PHLDB1: variants seen among roughly 807,000 people sequenced by gnomAD.
The protein encoded by PHLDB1 is pleckstrin homology like domain family B member 1.
In PHLDB1, 65 loss-of-function variants were observed where a neutral mutation model predicts 139.3. The observed-to-expected ratio is 0.47, with a 90% confidence interval of 0.38 to 0.57. The LOEUF is 0.57. PHLDB1 is among the 20% of genes least tolerant of loss of function. The pLI, the probability that PHLDB1 is intolerant of heterozygous loss-of-function variation, is 0.00. For missense variants in PHLDB1, 1,624 were observed against 1,839.7 expected, an observed-to-expected ratio of 0.88 and a Z score of 2.14; for synonymous variants, 679 against 734.5, an observed-to-expected ratio of 0.92 and a Z score of 1.22.
In PHLDB1 at chr11:118,635,528, C is replaced by G. The variant is rs781855779; in HGVS notation, c.2515C>G (p.Arg839Gly). ...GLLRSKAELL[R>G]SIAKRKERLA... ...GCTCCGGAGCAAGGCTGAGCTGCTC[C>G]GCAGCATCGCCAAGAGGAAGGTGTG... The change falls in exon 10 of 23, where the codon CGC becomes GGC. Residue 839 changes from arginine to glycine, a missense_variant. Transcript: ENST00000600882. The G allele has an allele frequency of 6.4e-7, 1 of 1,565,754 alleles. No individual in the cohort carries two copies. Among genetic ancestry groups the G allele is most frequent in the Admixed American group, 1.9e-5 (1 of 51,312 alleles).
intron 9 of PHLDB1, chr11:118,634,461 G>A (rs1303809390): frequency 6.6e-6 from 1 of 152,602 alleles, no homozygotes; most frequent in Non-Finnish European, 1.5e-5. Context: ...AGTAGAAGGG[G>A]AGGGATGAGA....
At chr11:118,641,079 A>T (rs1033401953) in intron 12 of PHLDB1, 2 of 152,554 alleles carry the variant, frequency 1.3e-5, no homozygotes, top group Non-Finnish European at 2.9e-5. Flanking sequence ...AACCCTGTTA[A>T]CCCCTTCTTT....
rs782264483 is a variant in PHLDB1, at chr11:118,628,102, C to T, written c.1279C>T (p.Arg427Ter). 1 of 1,613,942 alleles carries T rather than the reference C, an allele frequency of 6.2e-7. No individual in the cohort carries two copies. Among genetic ancestry groups the T allele is most frequent in the Non-Finnish European group, 8.5e-7 (1 of 1,179,990 alleles). The change falls in exon 6 of 23, where the codon CGA (arginine) becomes TGA (stop). Residue 427 changes from arginine (R) to a stop codon, truncating the protein, a stop_gained. Coordinates refer to ENST00000600882, the MANE Select transcript of PHLDB1 (RefSeq NM_001144758.3). LOFTEE classifies it high-confidence loss of function. ...CAGCCCCTCACGCCAACTGGTGGGC[C>T]GAACATTTTCAGATGGGTTAGCCAC... Reference protein sequence around the residue: ...TTSPSRQLVGRTFSDGLATRT... With the variant: ...TTSPSRQLVG
Position 118,638,930 on chromosome 11 carries a change from CG to C in PHLDB1, c.2578del (p.Ala860LeufsTer28). 6.2e-7 allele frequency: 1 copy of C among 1,613,420 alleles called. No individual in the cohort carries two copies. Among genetic ancestry groups the C allele is most frequent in the Non-Finnish European group, 8.5e-7 (1 of 1,179,704 alleles). ...AILDSQAGQI[R>X]AQAVQESERL... Reference sequence around the variant, plus strand: ...CCTGGACAGTCAGGCTGGGCAGATCCGGGCTCAGGCCGTGCAGGAATCAGAA... The same window carrying C: ...CCTGGACAGTCAGGCTGGGCAGATCCGGCTCAGGCCGTGCAGGAATCAGAA... On this transcript the variant is annotated frameshift_variant, in exon 11 of 23. Transcript: ENST00000600882. LOFTEE classifies it high-confidence loss of function.
At chr11:118,626,203 G>A (rs782619261) in intron 5 of PHLDB1, among the ~76,000 whole-genome samples, 11 of 151,412 alleles carry the variant, frequency 7.3e-5, no homozygotes, top group Non-Finnish European at 1.3e-4. Flanking sequence ...AAGTGGTGCA[G>A]CACACACCCC....
chr11:118,628,002 C>T lies in PHLDB1; in HGVS notation c.1179C>T (p.Asn393=). 1 of 1,613,950 alleles carries T rather than the reference C, an allele frequency of 6.2e-7. No individual in the cohort carries two copies. The highest frequency in any genetic ancestry group is 1.3e-5 in the African/African-American group (1 of 75,036). ...AGCCTCCAGTCCCTGCTCCCCGAAA[C>T]AAGATTGGCACACTCCAGGACCGCC... The part of the protein sequence containing the change: ...KFQPPVPAPR[N]KIGTLQDRPP... Residue 393 remains asparagine (N), a synonymous_variant, in exon 6 of 23, where the codon AAC becomes AAT. Transcript: ENST00000600882.
chr11:118,619,744 G>A (rs781957326), intron 4 of PHLDB1, among the ~76,000 whole-genome samples: 7 of 152,182 alleles, frequency 4.6e-5, no homozygotes, highest in South Asian at 2.1e-4. Flanking sequence ...AATAAGATAC[G>A]TGTGCACATG....
At chr11:118,613,715 G>A (rs1555085906) in intron 1 of PHLDB1, 101 bp from the exon 2 acceptor site, 5 of 687,900 alleles carry the variant, frequency 7.3e-6, no homozygotes, top group African/African-American at 1.8e-5. Context: ...GAATGATGGT[G>A]ACTGGTGACA....
chr11:118,616,042 G>T lies in PHLDB1; in HGVS notation c.186G>T (p.Gly62=). The T allele has an allele frequency of 6.2e-7, 1 of 1,612,412 alleles. No homozygotes were observed. The highest frequency in any genetic ancestry group is 8.5e-7 in the Non-Finnish European group (1 of 1,178,980). Residue 62 remains glycine (G), a splice_region_variant and synonymous_variant, in exon 4 of 23, where the codon GGG becomes GGT. Transcript: ENST00000600882. ...TAITLLPLEE[G]RTVIGSAARD... ...ATTCAGTTTGCCTCTTGTCTCCAGG[G>T]AGGACGGTGATTGGCTCTGCAGCCA...
chr11:118,632,415 C>T lies in PHLDB1; in HGVS notation c.2379+119C>T, dbSNP rs1944953108. 1 of 1,044,410 alleles carries T rather than the reference C, an allele frequency of 9.6e-7. No homozygotes were observed. The highest frequency in any genetic ancestry group is 1.5e-5 in the South Asian group (1 of 64,752). The allele number at this position is 1,044,410 out of a possible 1,614,324, so 64.7% of individuals were successfully genotyped here. On this transcript the variant is annotated intron_variant, in intron 9 of 22. Coordinates refer to ENST00000600882, the MANE Select transcript of PHLDB1 (RefSeq NM_001144758.3). This position sits in a 1 kb window ranked among gnomAD's most constrained non-coding sequence, Gnocchi z 5.9. ...TCATCCATTCTGCAGTACAAGTGGT[C>T]TCTGTGGCTTTCCAGAGACAGAGTG...
chr11:118,640,014 G>A, intron 12 of PHLDB1: 1 of 985,444 alleles, frequency 1.0e-6, no homozygotes, highest in Non-Finnish European at 1.2e-6. Flanking sequence ...GGTAATCACA[G>A]CTAACTGCGT....
chr11:118,628,390 C>G lies in PHLDB1; in HGVS notation c.1567C>G (p.Leu523Val), dbSNP rs1555106224. The G allele has an allele frequency of 6.2e-7, 1 of 1,610,758 alleles. No homozygotes were observed. Among genetic ancestry groups the G allele is most frequent in the East Asian group, 2.2e-5 (1 of 44,748 alleles). Residue 523 changes from leucine to valine, a missense_variant, in exon 6 of 23, where the codon CTG (leucine) becomes GTG (valine). Coordinates refer to ENST00000600882, the MANE Select transcript of PHLDB1 (RefSeq NM_001144758.3). ...GRRTRSPSPT[L>V]GESLAPHKGS... ...TAGGACACGGAGCCCCTCACCCACA[C>G]TGGGTGAGTCTCTGGCACCCCACAA...
intron 12 of PHLDB1, chr11:118,639,507 G>A: frequency 4.2e-6 from 2 of 479,672 alleles, no homozygotes; most frequent in South Asian, 2.2e-5. Context: ...TATGTGGGGG[G>A]ACTCAGGGGC....
At position 118,632,367 on chromosome 11, in the gene PHLDB1, G is replaced by A; in HGVS notation, c.2379+71G>A. 1.3e-6 allele frequency: 2 copies of A among 1,483,244 alleles called. No individual in the cohort carries two copies. The highest frequency in any genetic ancestry group is 1.9e-6 in the Non-Finnish European group (2 of 1,067,738). 91.9% of individuals were successfully genotyped at this position (1,483,244 alleles called of 1,614,324 possible). A position where few individuals can be genotyped will look rare whatever the true frequency, so the allele number is the denominator to read the frequency against. ...GGAGAGAAGGAGAAATGTCTTCTCT[G>A]GGGCCCTGTACCCTTCACCTCATCA... On this transcript the variant is annotated intron_variant, in intron 9 of 22. Transcript: ENST00000600882. The surrounding 1 kb of genome is among the most constrained non-coding windows in gnomAD (Gnocchi z 5.9).
In PHLDB1 at chr11:118,610,323, A is replaced by T; in HGVS notation, c.-22+2624A>T. The T allele has an allele frequency of 3.4e-6, 1 of 296,028 alleles. No homozygotes were observed. Among genetic ancestry groups the T allele is most frequent in the Non-Finnish European group, 4.8e-6 (1 of 209,436 alleles). The allele number at this position is 296,028 out of a possible 1,614,324, so 18.3% of individuals were successfully genotyped here. On this transcript the variant is annotated intron_variant, in intron 1 of 22. Transcript: ENST00000600882. The surrounding 1 kb of genome is among the most constrained non-coding windows in gnomAD (Gnocchi z 8.7). ...CTTAAGTTCTCTCGTCCCCCTCCCC[A>T]CTCGGGCGTCCCCCGCTGGGCTCCC...
chr11:118,642,221 G>C, intron 12 of PHLDB1, 33 bp from the exon 13 acceptor site: 1 of 1,597,472 alleles, frequency 6.3e-7, no homozygotes, highest in African/African-American at 1.4e-5. Context: ...CTCCCCTCCT[G>C]TCCCCTTTTC....
At chr11:118,639,555 G>A in intron 12 of PHLDB1, 1 of 480,700 alleles carries the variant, frequency 2.1e-6, no homozygotes, top group Admixed American at 3.3e-5. Flanking sequence ...GGCTTGGTAG[G>A]GGCCGGGCTG....
chr11:118,617,728 C>T (rs1262598705), intron 4 of PHLDB1, among the ~76,000 whole-genome samples: 8 of 151,918 alleles, frequency 5.3e-5, no homozygotes, highest in South Asian at 2.1e-4. Context: ...AGCAGCAGTA[C>T]GTAGGCCCTT....
rs1261070146 is a variant in PHLDB1, at chr11:118,610,975, G to A, written c.-21-2841G>A. ...CCCAGCGTGCGGGAGGGCACCCAGGGCCGGACGCGCACCGCAGGGGTCTTT... is the reference window on the plus strand; with the variant it reads ...CCCAGCGTGCGGGAGGGCACCCAGGACCGGACGCGCACCGCAGGGGTCTTT... On this transcript the variant is annotated intron_variant, in intron 1 of 22. Transcript: ENST00000600882. This position sits in a 1 kb window ranked among gnomAD's most constrained non-coding sequence, Gnocchi z 8.7. 6.6e-6 allele frequency among the ~76,000 whole-genome samples: 1 copy of A among 152,192 alleles called. No homozygotes were observed. The highest frequency in any genetic ancestry group is 2.4e-5 in the African/African-American group (1 of 41,458).
Sources: gnomAD v4.1 joint callset for allele counts (sites outside exome capture counted in the v4.1 genomes callset) on GRCh38, gnomAD v4.1.1 for gene constraint, Gnocchi (gnomAD v3.1) non-coding constraint, MANE v1.5 for transcripts, NCBI Gene and HGNC (gene_info 2026-07-23, HGNC 2026-07-21) for gene names.